The following AUTS2 variants were observed in gnomAD, a reference collection of about 807,000 sequenced individuals.
AUTS2 encodes the protein activator of transcription and developmental regulator AUTS2.
Under a neutral mutation model 112.4 loss-of-function variants are expected in AUTS2, and 17 were observed. The ratio of observed to expected loss-of-function variants is 0.15; its 90% CI spans 0.10 to 0.23. The LOEUF (loss-of-function observed/expected upper bound fraction) is 0.23, where lower values mean the gene tolerates loss of function less well. Among genes scored for constraint, AUTS2 ranks in the 10% least tolerant of loss-of-function variants. The pLI is 1.00. For synonymous variants in AUTS2, 751 were observed against 702.7 expected (o/e 1.07, Z -1.09); for missense variants, 1,510 against 1,701.6 (o/e 0.89, Z 1.98).
chr7:70,191,758 TG>T (rs1465602962), intron 4 of AUTS2, among the ~76,000 whole-genome samples: 2 of 152,116 alleles, frequency 1.3e-5, no homozygotes, highest in Admixed American at 1.3e-4. Context: ...ACAATAGTTT[TG>T]TATAAGAAAA....
intron 5 of AUTS2, among the ~76,000 whole-genome samples, chr7:70,602,483 A>G (rs1417693516): frequency 2.0e-5 from 3 of 152,230 alleles, no homozygotes; most frequent in Non-Finnish European, 4.4e-5. Context: ...AGGAGGCTCC[A>G]GGTCTCCGGA....
At chr7:69,659,308 A>G (rs1222497566) in intron 1 of AUTS2, among the ~76,000 whole-genome samples, 1 of 152,204 alleles carries the variant, frequency 6.6e-6, no homozygotes, top group East Asian at 1.9e-4. Flanking sequence ...AAGCTTTCCT[A>G]GGAATCTCAG....
At position 69,677,477 on chromosome 7, in the gene AUTS2, C is replaced by T. The variant is rs566657411; in HGVS notation, c.309+77515C>T. Among the ~76,000 whole-genome samples the T allele has an allele frequency of 5.3e-5, 8 of 152,288 alleles. No individual in the cohort carries two copies. The South Asian group carries it at 1.7e-3, about 32-fold the overall frequency. On this transcript the variant is annotated intron_variant, in intron 1 of 18. Transcript: ENST00000342771. ...TAACCCAGCCTTTGCCAGCGTTTCCCTTCTATAGGATGAGAAAGTTGTTGA... is the reference window on the plus strand; with the variant it reads ...TAACCCAGCCTTTGCCAGCGTTTCCTTTCTATAGGATGAGAAAGTTGTTGA...
chr7:70,231,340 G>A (rs1270432350), intron 4 of AUTS2, among the ~76,000 whole-genome samples: 6 of 152,260 alleles, frequency 3.9e-5, no homozygotes, highest in South Asian at 4.2e-4. Flanking sequence ...TCCAGCACCC[G>A]TTAATCTTTC....
chr7:69,972,671 ATGTGTGTGTG>A (rs769055659), intron 2 of AUTS2, among the ~76,000 whole-genome samples: 1 of 85,248 alleles, frequency 1.2e-5, no homozygotes, highest in Admixed American at 1.2e-4. Flanking sequence ...GTGTGCGTGC[ATGTGTGTGTG>A]TGTGTGTGTG....
intron 1 of AUTS2, among the ~76,000 whole-genome samples, chr7:69,782,465 G>C (rs1378620482): frequency 6.6e-6 from 1 of 151,462 alleles, no homozygotes; most frequent in African/African-American, 2.4e-5. Context: ...GTCCCTACCA[G>C]TAGAAGATGG....
intron 4 of AUTS2, among the ~76,000 whole-genome samples, chr7:70,385,126 T>C (rs187055240): frequency 1.9e-4 from 29 of 152,340 alleles, no homozygotes; most frequent in African/African-American, 7.0e-4. Flanking sequence ...TGCATTCCTG[T>C]TGTGCAGACT....
At chr7:70,468,019 TGA>T (rs1430437065) in intron 5 of AUTS2, among the ~76,000 whole-genome samples, 2 of 152,204 alleles carry the variant, frequency 1.3e-5, no homozygotes, top group African/African-American at 4.8e-5. Context: ...AAGAAGATTC[TGA>T]GGCTTGAGGC....
chr7:70,226,188 C>A (rs1811753685), intron 4 of AUTS2, among the ~76,000 whole-genome samples: 1 of 151,816 alleles, frequency 6.6e-6, no homozygotes, highest in Admixed American at 6.6e-5. Flanking sequence ...GCTTCCCCAC[C>A]CCACTTTTTG....
chr7:69,923,342 T>G (rs1795886932), intron 2 of AUTS2, among the ~76,000 whole-genome samples: 1 of 152,218 alleles, frequency 6.6e-6, no homozygotes, highest in Admixed American at 6.5e-5. Context: ...TTTGATCTAT[T>G]TGTCTATCTT....
intron 5 of AUTS2, among the ~76,000 whole-genome samples, chr7:70,641,278 G>C (rs1042420237): frequency 6.6e-6 from 1 of 152,126 alleles, no homozygotes; most frequent in Non-Finnish European, 1.5e-5. Flanking sequence ...CGCCAGGCGC[G>C]GTGGCTCATG....
chr7:69,956,670 C>T (rs1382146587), intron 2 of AUTS2, among the ~76,000 whole-genome samples: 1 of 152,106 alleles, frequency 6.6e-6, no homozygotes, highest in Non-Finnish European at 1.5e-5. Context: ...GTTGACAGTG[C>T]AGCATCACTC....
chr7:70,786,944 T>A (rs2129560913), intron 17 of AUTS2: 1 of 536,958 alleles, frequency 1.9e-6, no homozygotes, highest in South Asian at 2.0e-5. Flanking sequence ...TCAGTACCCA[T>A]TTGGTCCCTT....
rs1457982960 is a variant in AUTS2 at position 69,763,458 on chromosome 7, AT to A, written c.310-135827del. On this transcript the variant is annotated intron_variant, in intron 1 of 18. Transcript: ENST00000342771. ...AGAAGTAATAATATCTGCCTTAGTAATAATATCTTCTCATTCTTGTAGGTCC... is the reference window on the plus strand; with the variant it reads ...AGAAGTAATAATATCTGCCTTAGTAAAATATCTTCTCATTCTTGTAGGTCC... 1.4e-4 allele frequency among the ~76,000 whole-genome samples: 21 copies of A among 152,308 alleles called. No homozygotes were observed. The East Asian group carries it at 4.0e-3, about 29-fold the overall frequency.
intron 4 of AUTS2, among the ~76,000 whole-genome samples, chr7:70,207,870 G>A (rs897266844): frequency 6.6e-6 from 1 of 151,862 alleles, no homozygotes; most frequent in Non-Finnish European, 1.5e-5. Flanking sequence ...AATTAGCCGG[G>A]CATGGTGGTG....
At position 70,671,135 on chromosome 7, in the gene AUTS2, G is replaced by T. The variant is rs1465570817; in HGVS notation, c.691-27434G>T. Among the ~76,000 whole-genome samples the T allele has an allele frequency of 1.3e-5, 2 of 150,532 alleles. 1 individual carries two copies. Among genetic ancestry groups the T allele is most frequent in the Non-Finnish European group, 3.0e-5 (2 of 66,896 alleles). On this transcript the variant is annotated intron_variant, in intron 5 of 18. Coordinates refer to ENST00000342771, the MANE Select transcript of AUTS2 (RefSeq NM_015570.4). ...GGACACGGAGGTAGCAGTGAGCCAGGATTGCACCACTGCACTCCAGCCTGG... is the reference window on the plus strand; with the variant it reads ...GGACACGGAGGTAGCAGTGAGCCAGTATTGCACCACTGCACTCCAGCCTGG...
At chr7:69,885,143 A>G (rs1794218753) in intron 1 of AUTS2, among the ~76,000 whole-genome samples, 1 of 152,202 alleles carries the variant, frequency 6.6e-6, no homozygotes, top group Non-Finnish European at 1.5e-5. Context: ...ATGTAGTGAT[A>G]GGTTATTTGC....
intron 2 of AUTS2, among the ~76,000 whole-genome samples, chr7:70,097,803 C>T (rs531898119): frequency 2.0e-5 from 3 of 152,310 alleles, no homozygotes; most frequent in African/African-American, 7.2e-5. Flanking sequence ...GAAGCTCAGC[C>T]TCTTGACATG....
chr7:70,242,302 G>A (rs1472059184), intron 4 of AUTS2, among the ~76,000 whole-genome samples: 1 of 152,154 alleles, frequency 6.6e-6, no homozygotes, highest in African/African-American at 2.4e-5. Flanking sequence ...TGACCATCCA[G>A]CCTGCACCAG....
Sources: allele counts gnomAD v4.1 joint callset (sites outside exome capture counted in the v4.1 genomes callset), GRCh38; gene constraint gnomAD v4.1.1; transcripts MANE v1.5; gene names NCBI Gene and HGNC (gene_info 2026-07-23, HGNC 2026-07-21).